The following RTP4 variants were observed in gnomAD, a reference collection of about 807,000 sequenced individuals.
RTP4 encodes receptor-transporting protein 4.
In RTP4, 5 loss-of-function variants were observed where a neutral mutation model predicts 6.5. The observed-to-expected ratio is 0.77, with a 90% CI of 0.40 to 1.62. RTP4 has a LOEUF of 1.62. Among genes scored for constraint, RTP4 ranks in the 40% most tolerant of loss-of-function variants. The pLI, the probability that RTP4 is intolerant of heterozygous loss-of-function variation, is 0.02. For missense variants in RTP4, 266 were observed against 288.7 expected, an observed-to-expected ratio of 0.92 and a Z score of 0.57; for synonymous variants, 112 against 114.8, an observed-to-expected ratio of 0.98 and a Z score of 0.15.
At chr3:187,369,618 T>C (rs529081817) in intron 1 of RTP4, among the ~76,000 whole-genome samples, 38 of 151,014 alleles carry the variant, frequency 2.5e-4, no homozygotes, top group African/African-American at 8.7e-4. Context: ...ATAAATGATA[T>C]ATAATTATAT....
Position 187,371,588 on chromosome 3 carries a change from TTCAA to T in RTP4, c.*219_*222del. On this transcript the variant is annotated 3_prime_UTR_variant, in exon 2 of 2. Transcript: ENST00000259030. ...AATATTGTCGAATTGCTAAAAAGTC[TTCAA>T]TCATTCATTCACTAAGTCACTCAGT... The T allele has an allele frequency of 3.7e-6, 2 of 539,106 alleles. No individual in the cohort carries two copies. Among genetic ancestry groups the T allele is most frequent in the Non-Finnish European group, 6.6e-6 (2 of 303,640 alleles). 33.4% of individuals were successfully genotyped at this position (539,106 alleles called of 1,614,324 possible). A position where few individuals can be genotyped will look rare whatever the true frequency, so the allele number is the denominator to read the frequency against.
Position 187,371,230 on chromosome 3 carries a change from A to C in RTP4, c.598A>C (p.Lys200Gln). The part of the protein sequence containing the change: ...IGAVYLANQA[K>Q]NQSAEAKEAK... ...TGCTGTGTACCTCGCAAACCAAGCC[A>C]AGAACCAGTCAGCTGAGGCAAAAGA... Residue 200 changes from lysine to glutamine, a missense_variant, in exon 2 of 2, where the codon AAG (lysine) becomes CAG (glutamine). By Grantham distance (53) the Lys-to-Gln change is moderately conservative (BLOSUM62 1). Transcript: ENST00000259030. 2 of 1,613,988 alleles carry C rather than the reference A, an allele frequency of 1.2e-6. No individual in the cohort carries two copies. The highest frequency in any genetic ancestry group is 1.7e-6 in the Non-Finnish European group (2 of 1,180,020).
rs774912138 is a variant in RTP4 at position 187,370,871 on chromosome 3, C to T, written c.239C>T (p.Ser80Phe). ...CACACGTACTGGGAGCACTGGACAT[C>T]CCAGGGTCAGGTGCGTATGAGGCTC... is the stretch of plus-strand genomic sequence containing the variant. ...LCHTYWEHWT[S>F]QGQVRMRLFG... Residue 80 changes from serine to phenylalanine, a missense_variant, in exon 2 of 2, where the codon TCC becomes TTC. Transcript: ENST00000259030. 2 of 1,614,106 alleles carry T rather than the reference C, an allele frequency of 1.2e-6. No homozygotes were observed. The highest frequency in any genetic ancestry group is 1.7e-6 in the Non-Finnish European group (2 of 1,180,028).
Position 187,371,309 on chromosome 3 carries a change from T to C in RTP4, c.677T>C (p.Leu226Pro), listed in dbSNP as rs369383678. Reference sequence around the variant, plus strand: ...GGGCCCAGTCGAGACCCAGATCCACTGAACATCTGTGTCTTTATTTTGCTG... The same window carrying C: ...GGGCCCAGTCGAGACCCAGATCCACCGAACATCTGTGTCTTTATTTTGCTG... Reference protein sequence around the residue: ...KLGPSRDPDPLNICVFILLLV... With the variant: ...KLGPSRDPDPPNICVFILLLV... Residue 226 changes from leucine to proline, a missense_variant, in exon 2 of 2, where the codon CTG becomes CCG. Transcript: ENST00000259030. 2.6e-5 allele frequency: 42 copies of C among 1,603,928 alleles called. No homozygotes were observed. Among genetic ancestry groups the C allele is most frequent in the Non-Finnish European group, 3.5e-5 (41 of 1,179,964 alleles).
Position 187,371,431 on chromosome 3 carries a change from T to C in RTP4, c.*58T>C. On this transcript the variant is annotated 3_prime_UTR_variant, in exon 2 of 2. Transcript: ENST00000259030. ...ATTCCATGGTAGTCAATGAACTGGC[T>C]GCCACTTTAATATAACTGAAAATTC... The C allele has an allele frequency of 1.6e-6, 2 of 1,264,586 alleles. No individual in the cohort carries two copies. Among genetic ancestry groups the C allele is most frequent in the Non-Finnish European group, 2.2e-6 (2 of 918,442 alleles). The allele number at this position is 1,264,586 out of a possible 1,614,324, so 78.3% of individuals were successfully genotyped here.
intron 1 of RTP4, among the ~76,000 whole-genome samples, chr3:187,369,046 G>A (rs901523855): frequency 6.7e-6 from 1 of 149,134 alleles, no homozygotes; most frequent in Non-Finnish European, 1.5e-5. Flanking sequence ...AATTGGCTAA[G>A]ATCAAGCAGT....
Position 187,371,367 on chromosome 3 carries a change from A to G in RTP4, c.735A>G (p.Ser245=), listed in dbSNP as rs372713407. 4.9e-5 allele frequency: 78 copies of G among 1,588,202 alleles called. 1 individual carries two copies. In the Middle Eastern group the frequency reaches 1.9e-3, roughly 38 times the overall value. The stretch of plus-strand genomic sequence containing the variant: ...TTATTGTAGTCAAATGCTTTACATC[A>G]GAATGATGAAAATAGGCTTGCCACT... ...LVFIVVKCFT[S]E The change falls in exon 2 of 2, where the codon TCA becomes TCG. Residue 245 remains serine (S), a synonymous_variant. Transcript: ENST00000259030.
chr3:187,368,668 C>T (rs1398568739), intron 1 of RTP4, 72 bp downstream of exon 1: 41 of 1,404,318 alleles, frequency 2.9e-5, no homozygotes, highest in African/African-American at 5.8e-5. Context: ...ATGATTTATT[C>T]CTCTGAGAGC....
intron 1 of RTP4, 36 bp downstream of exon 1, chr3:187,368,632 G>A (rs1711543261): frequency 6.4e-7 from 1 of 1,574,412 alleles, no homozygotes; most frequent in African/African-American, 1.4e-5. Flanking sequence ...GCTCTTCTGA[G>A]AAGAGAGGCT....
intron 1 of RTP4, among the ~76,000 whole-genome samples, chr3:187,370,146 G>C (rs1243637673): frequency 6.6e-6 from 1 of 152,168 alleles, no homozygotes; most frequent in East Asian, 1.9e-4. Flanking sequence ...GAAGGGCTTT[G>C]CCCAAGGTCT....
At chr3:187,370,683 C>A (rs1711587618) in intron 1 of RTP4, 105 bp from the exon 2 acceptor site, 2 of 725,800 alleles carry the variant, frequency 2.8e-6, no homozygotes, top group Admixed American at 2.8e-5. Flanking sequence ...AAATCACATG[C>A]ATTTTTTCAA....
rs1711597089 is a variant in RTP4 at position 187,370,881 on chromosome 3, G to A, written c.249G>A (p.Gln83=). 6.2e-7 allele frequency: 1 copy of A among 1,614,134 alleles called. No homozygotes were observed. The highest frequency in any genetic ancestry group is 1.3e-5 in the African/African-American group (1 of 74,964). Residue 83 remains glutamine (Q), a synonymous_variant, in exon 2 of 2, where the codon CAG becomes CAA. Transcript: ENST00000259030. ...GGGAGCACTGGACATCCCAGGGTCA[G>A]GTGCGTATGAGGCTCTTTGGCCAAA... ...TYWEHWTSQG[Q]VRMRLFGQRC...
chr3:187,371,134 A>G lies in RTP4; in HGVS notation c.502A>G (p.Ser168Gly). ...GGGCATCTGTGGACAGGGCTTAAAA[A>G]GCTGCATGACAAAGCCGTCCAAATC... ...TLGICGQGLK[S>G]CMTKPSKSLL... is the part of the protein sequence containing the mutation. Residue 168 changes from serine to glycine, a missense_variant, in exon 2 of 2, where the codon AGC becomes GGC. By Grantham distance (56) the Ser-to-Gly change is moderately conservative (BLOSUM62 0). Transcript: ENST00000259030. The G allele has an allele frequency of 6.2e-7, 1 of 1,614,146 alleles. No individual in the cohort carries two copies. Among genetic ancestry groups the G allele is most frequent in the Non-Finnish European group, 8.5e-7 (1 of 1,179,988 alleles).
chr3:187,368,540 T>G lies in RTP4; in HGVS notation c.99T>G (p.Leu33=). 6.2e-7 allele frequency: 1 copy of G among 1,614,140 alleles called. No individual in the cohort carries two copies. The change falls in exon 1 of 2, where the codon CTT becomes CTG. Residue 33 remains leucine (L), a synonymous_variant. Coordinates refer to ENST00000259030, the MANE Select transcript of RTP4 (RefSeq NM_022147.3). ...GGACGCTGAAGTTGGATGGCAACCT[T>G]CAGCTAGACTGCCTGGCTCAAGGGT... ...ATWTLKLDGN[L]QLDCLAQGWK...
At chr3:187,370,065 C>T (rs1711579322) in intron 1 of RTP4, among the ~76,000 whole-genome samples, 1 of 152,226 alleles carries the variant, frequency 6.6e-6, no homozygotes. Flanking sequence ...CATACATCGT[C>T]TCTTTTGATG....
chr3:187,371,401 T>C lies in RTP4; in HGVS notation c.*28T>C, dbSNP rs1388114384. 1 of 1,512,946 alleles carries C rather than the reference T, an allele frequency of 6.6e-7. No individual in the cohort carries two copies. Among genetic ancestry groups the C allele is most frequent in the Admixed American group, 1.8e-5 (1 of 54,406 alleles). 93.7% of individuals were successfully genotyped at this position (1,512,946 alleles called of 1,614,324 possible). A position where few individuals can be genotyped will look rare whatever the true frequency, so the allele number is the denominator to read the frequency against. On this transcript the variant is annotated 3_prime_UTR_variant, in exon 2 of 2. Transcript: ENST00000259030. ...AAAATAGGCTTGCCACTTTCTCTTA[T>C]TTTAATTCCATGGTAGTCAATGAAC... is the stretch of plus-strand genomic sequence containing the variant.
intron 1 of RTP4, 143 bp from the exon 2 acceptor site, chr3:187,370,645 T>G: frequency 3.1e-6 from 2 of 641,100 alleles, no homozygotes; most frequent in South Asian, 4.0e-5. Flanking sequence ...TCCTTCTTGT[T>G]CCTGTTTATC....
rs780930780 is a variant in RTP4 at position 187,368,416 on chromosome 3, T to C, written c.-26T>C. The C allele has an allele frequency of 6.3e-7, 1 of 1,589,158 alleles. No individual in the cohort carries two copies. The highest frequency in any genetic ancestry group is 1.8e-5 in the Admixed American group (1 of 55,852). ...CTGAGAAACGAGCAAACCTGAAAGC[T>C]ACTCTCTCAGCTTCAGAGGGAAAAA... On this transcript the variant is annotated 5_prime_UTR_variant, in exon 1 of 2. Transcript: ENST00000259030.
At position 187,370,921 on chromosome 3, in the gene RTP4, T is replaced by C; in HGVS notation, c.289T>C (p.Ser97Pro). Residue 97 changes from serine to proline, a missense_variant, in exon 2 of 2, where the codon TCC becomes CCC. Physicochemically the swap from Ser to Pro is moderately conservative, Grantham distance 74. Coordinates refer to ENST00000259030, the MANE Select transcript of RTP4 (RefSeq NM_022147.3). ...CTTTGGCCAAAGGTGCCAGAAGTGC[T>C]CCTGGTCCCAATATGAGATGCCTGA... Reference protein sequence around the residue: ...RLFGQRCQKCSWSQYEMPEFS... With the variant: ...RLFGQRCQKCPWSQYEMPEFS... 6.2e-7 allele frequency: 1 copy of C among 1,614,188 alleles called. No homozygotes were observed. Among genetic ancestry groups the C allele is most frequent in the Non-Finnish European group, 8.5e-7 (1 of 1,180,038 alleles).
Sources: gnomAD v4.1 joint callset for allele counts (sites outside exome capture counted in the v4.1 genomes callset) on GRCh38, gnomAD v4.1.1 for gene constraint, MANE v1.5 for transcripts, NCBI Gene and HGNC (gene_info 2026-07-23, HGNC 2026-07-21) for gene names.